The following LAMC1 variants were observed in gnomAD, a reference collection of about 807,000 sequenced individuals.
LAMC1 encodes the protein laminin subunit gamma 1, also known as laminin subunit gamma-1.
LAMC1 carries 38 observed loss-of-function variants against 173.6 expected under a neutral mutation model. That is an observed-to-expected ratio of 0.22 (90% CI 0.17 to 0.29). The LOEUF (loss-of-function observed/expected upper bound fraction) is 0.29. Among genes scored for constraint, LAMC1 ranks in the 10% least tolerant of loss-of-function variants. LAMC1 has a pLI of 1.00. For synonymous variants in LAMC1, 746 were observed against 749.1 expected, an observed-to-expected ratio of 1.00 and a Z score of 0.07; for missense variants, 1,824 against 2,051.8, an observed-to-expected ratio of 0.89 and a Z score of 2.14.
chr1:183,115,741 G>A (rs1043815987), intron 6 of LAMC1, 104 bp downstream of exon 6: 1 of 817,602 alleles, frequency 1.2e-6, no homozygotes, highest in East Asian at 2.5e-5. Flanking sequence ...CATTTTTCCT[G>A]TAATAATTGT....
intron 1 of LAMC1, among the ~76,000 whole-genome samples, chr1:183,026,626 A>G (rs933600808): frequency 2.6e-5 from 4 of 152,160 alleles, no homozygotes; most frequent in Non-Finnish European, 5.9e-5. Context: ...TCCCAGTTCA[A>G]ATTTCACATA....
intron 1 of LAMC1, among the ~76,000 whole-genome samples, chr1:183,068,825 C>G (rs980313222): frequency 6.6e-6 from 1 of 151,996 alleles, no homozygotes; most frequent in Non-Finnish European, 1.5e-5. Flanking sequence ...GCCTGTAGTC[C>G]CAGCTACTTG....
At chr1:183,043,857 G>C (rs1215784524) in intron 1 of LAMC1, among the ~76,000 whole-genome samples, 4 of 152,090 alleles carry the variant, frequency 2.6e-5, no homozygotes, top group African/African-American at 9.7e-5. Flanking sequence ...GAGAAACCTG[G>C]CTATGTTAAA....
intron 1 of LAMC1, among the ~76,000 whole-genome samples, chr1:183,043,907 CTGT>C (rs1571405312): frequency 2.0e-5 from 3 of 152,068 alleles, no homozygotes; most frequent in African/African-American, 4.8e-5. Context: ...GAAAGTTATT[CTGT>C]TGTTCTTGTT....
chr1:183,141,543 C>A (rs1036439768), intron 27 of LAMC1, among the ~76,000 whole-genome samples: 1 of 152,170 alleles, frequency 6.6e-6, no homozygotes, highest in Non-Finnish European at 1.5e-5. Flanking sequence ...TCACCAGACT[C>A]CATTATAAAG....
chr1:183,034,134 A>G (rs575136134), intron 1 of LAMC1, among the ~76,000 whole-genome samples: 1 of 152,304 alleles, frequency 6.6e-6, no homozygotes, highest in East Asian at 1.9e-4. Context: ...TGGGGAGAAA[A>G]TGGTTCACTC....
chr1:183,070,859 AAGAAG>A (rs1654993454), intron 1 of LAMC1, among the ~76,000 whole-genome samples: 1 of 152,140 alleles, frequency 6.6e-6, no homozygotes, highest in African/African-American at 2.4e-5. Flanking sequence ...GATGAGTTCA[AAGAAG>A]AGAAATCCTA....
intron 1 of LAMC1, among the ~76,000 whole-genome samples, chr1:183,044,651 G>A (rs113387436): frequency 0.022 from 3,415 of 152,112 alleles, 65 homozygotes; most frequent in South Asian, 0.079. Flanking sequence ...GAAAGGCCAC[G>A]GAGCTATTTC....
At position 183,110,566 on chromosome 1, in the gene LAMC1, A is replaced by G. The variant is rs760518942; in HGVS notation, c.933A>G (p.Thr311=). ...DKLVCNCKHN[T]YGVDCEKCLP... Reference sequence around the variant, plus strand: ...TGGTGTGTAATTGCAAACATAACACATATGGAGTAGACTGTGAAAAGTGTC... The same window carrying G: ...TGGTGTGTAATTGCAAACATAACACGTATGGAGTAGACTGTGAAAAGTGTC... Residue 311 remains threonine (T), a synonymous_variant, in exon 4 of 28, where the codon ACA becomes ACG. Transcript: ENST00000258341. 1.2e-6 allele frequency: 2 copies of G among 1,614,094 alleles called. No individual in the cohort carries two copies. The highest frequency in any genetic ancestry group is 2.2e-5 in the South Asian group (2 of 91,086).
chr1:183,099,558 C>T (rs1655781614), intron 1 of LAMC1, among the ~76,000 whole-genome samples: 1 of 152,140 alleles, frequency 6.6e-6, no homozygotes, highest in South Asian at 2.1e-4. Flanking sequence ...CTTTCCTTGG[C>T]TTCTGTGGCA....
At chr1:183,112,854 T>C (rs1656199544) in intron 4 of LAMC1, among the ~76,000 whole-genome samples, 1 of 152,182 alleles carries the variant, frequency 6.6e-6, no homozygotes, top group East Asian at 1.9e-4. Flanking sequence ...GTTGTAATAC[T>C]GTACTATGAA....
intron 18 of LAMC1, 99 bp from the exon 19 acceptor site, chr1:183,130,245 T>G: frequency 1.9e-6 from 2 of 1,043,788 alleles, no homozygotes; most frequent in Non-Finnish European, 2.8e-6. Context: ...AAAGTTGCGA[T>G]GTTTAGAAGA....
chr1:183,145,270 T>C lies in LAMC1; in HGVS notation c.*2480T>C, dbSNP rs1657226116. The stretch of plus-strand genomic sequence containing the variant: ...AAATAAAAGGTTCTTTACAAGATGA[T>C]ACCTTAATTACACTCCCGCAACACA... On this transcript the variant is annotated 3_prime_UTR_variant, in exon 28 of 28. Coordinates refer to ENST00000258341, the MANE Select transcript of LAMC1 (RefSeq NM_002293.4). 2 of 152,706 alleles carry C rather than the reference T, an allele frequency of 1.3e-5. No homozygotes were observed. Among genetic ancestry groups the C allele is most frequent in the South Asian group, 4.1e-4 (2 of 4,838 alleles). 9.5% of individuals were successfully genotyped at this position (152,706 alleles called of 1,614,324 possible).
intron 1 of LAMC1, among the ~76,000 whole-genome samples, chr1:183,085,304 TCTGTGTTG>T (rs1382410361): frequency 6.6e-6 from 1 of 152,120 alleles, no homozygotes; most frequent in African/African-American, 2.4e-5. Context: ...TACACCCTGC[TCTGTGTTG>T]CTCCTTGACT....
intron 1 of LAMC1, among the ~76,000 whole-genome samples, chr1:183,032,012 T>C (rs143857791): frequency 9.8e-5 from 15 of 152,294 alleles, no homozygotes; most frequent in Middle Eastern, 3.4e-3. Flanking sequence ...AGTTAGGTGT[T>C]TGCTCATTTG....
chr1:183,024,383 T>G (rs1280883123), intron 1 of LAMC1, among the ~76,000 whole-genome samples: 1 of 152,266 alleles, frequency 6.6e-6, no homozygotes, highest in African/African-American at 2.4e-5. Context: ...AACGGGATTC[T>G]GGCTCTCTGA....
At chr1:183,108,167 G>A in intron 2 of LAMC1, 109 bp from the exon 3 acceptor site, 2 of 991,678 alleles carry the variant, frequency 2.0e-6, no homozygotes, top group South Asian at 2.7e-5. Flanking sequence ...TGCTAAAGAG[G>A]GCGTAAGTTA....
intron 2 of LAMC1, among the ~76,000 whole-genome samples, chr1:183,105,805 G>A (rs1347028211): frequency 6.6e-6 from 1 of 152,172 alleles, no homozygotes; most frequent in African/African-American, 2.4e-5. Flanking sequence ...GAGAACTCTT[G>A]CCTCTCTTCC....
intron 1 of LAMC1, among the ~76,000 whole-genome samples, chr1:183,099,798 C>T (rs1410086356): frequency 6.6e-6 from 1 of 152,064 alleles, no homozygotes; most frequent in Non-Finnish European, 1.5e-5. Flanking sequence ...CTCTCTTGGC[C>T]CGTCAAACTG....
Sources: gnomAD v4.1 joint callset for allele counts (sites outside exome capture counted in the v4.1 genomes callset) on GRCh38, gnomAD v4.1.1 for gene constraint, MANE v1.5 for transcripts, NCBI Gene and HGNC (gene_info 2026-07-23, HGNC 2026-07-21) for gene names.